TTC28: variants seen among roughly 807,000 people sequenced by gnomAD.
TTC28 encodes tetratricopeptide repeat domain 28, also known as tetratricopeptide repeat protein 28.
A neutral mutation model predicts 198.0 loss-of-function variants in TTC28; 61 were observed. The ratio of observed to expected loss-of-function variants is 0.31; its 90% CI spans 0.25 to 0.38. The LOEUF is 0.38. Ranked by LOEUF, TTC28 falls within the 10% of genes least tolerant of loss-of-function variation. The pLI, the probability that TTC28 is intolerant of heterozygous loss-of-function variation, is 1.00. For synonymous variants in TTC28, 1,171 were observed against 1,297.8 expected (o/e 0.90, Z 2.10); for missense variants, 2,678 against 3,164.0 (o/e 0.85, Z 3.69).
chr22:28,611,113 T>C lies in TTC28; in HGVS notation c.381+18439A>G, dbSNP rs144908168. On this transcript the variant is annotated intron_variant, in intron 2 of 22. Coordinates refer to ENST00000397906, the MANE Select transcript of TTC28 (RefSeq NM_001145418.2). Reference sequence around the variant, plus strand: ...TATGTTTGATTGTTGTACCTGAAAGTGATGAGGAAAATGGAACCAAGTTGG... The same window carrying C: ...TATGTTTGATTGTTGTACCTGAAAGCGATGAGGAAAATGGAACCAAGTTGG... Among the ~76,000 whole-genome samples, 27 of 152,200 alleles carry C rather than the reference T, an allele frequency of 1.8e-4. No homozygotes were observed. In the East Asian group the frequency reaches 5.0e-3, roughly 28 times the overall value.
At chr22:28,474,165 A>C (rs1020760336) in intron 2 of TTC28, among the ~76,000 whole-genome samples, 1 of 152,262 alleles carries the variant, frequency 6.6e-6, no homozygotes, top group Admixed American at 6.5e-5. Context: ...AAGGAAAAAA[A>C]GATCAGGAGA....
intron 2 of TTC28, among the ~76,000 whole-genome samples, chr22:28,491,071 T>G (rs1384663842): frequency 1.3e-5 from 2 of 152,186 alleles, no homozygotes; most frequent in Non-Finnish European, 2.9e-5. Flanking sequence ...AGGAATAATC[T>G]AGGAAATCTT....
intron 5 of TTC28, among the ~76,000 whole-genome samples, chr22:28,273,326 CCA>C (rs1258478233): frequency 6.6e-6 from 1 of 151,522 alleles, no homozygotes; most frequent in Middle Eastern, 3.2e-3. Flanking sequence ...ATAAATGAAC[CCA>C]CAAATTATTA....
chr22:28,095,869 A>C (rs1448629990), intron 11 of TTC28, among the ~76,000 whole-genome samples: 3 of 152,228 alleles, frequency 2.0e-5, no homozygotes, highest in African/African-American at 7.2e-5. Flanking sequence ...ACTTGCAGTC[A>C]TCACTTTATT....
At chr22:28,470,663 A>C (rs1466203208) in intron 2 of TTC28, among the ~76,000 whole-genome samples, 1 of 152,198 alleles carries the variant, frequency 6.6e-6, no homozygotes. Flanking sequence ...GCGTTTTTTG[A>C]CAAAATAATG....
chr22:28,336,571 G>C (rs1025100575), intron 2 of TTC28, among the ~76,000 whole-genome samples: 6 of 152,144 alleles, frequency 3.9e-5, no homozygotes, highest in South Asian at 2.1e-4. Context: ...TCTTGGGAGG[G>C]TGTATGTATC....
At chr22:28,027,644 T>C (rs1252010874) in intron 13 of TTC28, among the ~76,000 whole-genome samples, 2 of 152,226 alleles carry the variant, frequency 1.3e-5, no homozygotes, top group East Asian at 3.9e-4. Flanking sequence ...TCACCTCTGT[T>C]GGCTCCAGGC....
At chr22:28,660,333 T>A (rs1402535689) in intron 1 of TTC28, among the ~76,000 whole-genome samples, 1 of 152,184 alleles carries the variant, frequency 6.6e-6, no homozygotes, top group Non-Finnish European at 1.5e-5. Flanking sequence ...AAGGAAATTT[T>A]TTTTCTTTTA....
intron 2 of TTC28, among the ~76,000 whole-genome samples, chr22:28,593,084 G>C (rs1015729255): frequency 4.0e-5 from 6 of 150,650 alleles, no homozygotes; most frequent in Non-Finnish European, 8.8e-5. Flanking sequence ...TTTCATAGTA[G>C]CTTTTGGGTA....
intron 19 of TTC28, among the ~76,000 whole-genome samples, chr22:27,991,761 G>A (rs138642): frequency 0.061 from 9,279 of 152,268 alleles, 388 homozygotes; most frequent in Non-Finnish European, 0.086. Flanking sequence ...TGGCCAGAAC[G>A]CAGTGGTGCA....
At chr22:28,375,392 TA>T (rs2046394680) in intron 2 of TTC28, among the ~76,000 whole-genome samples, 1 of 152,150 alleles carries the variant, frequency 6.6e-6, no homozygotes, top group African/African-American at 2.4e-5. Flanking sequence ...TGCTGCAGAT[TA>T]ATAAAAGGGA....
intron 2 of TTC28, among the ~76,000 whole-genome samples, chr22:28,414,471 T>G (rs942759431): frequency 6.6e-6 from 1 of 152,162 alleles, no homozygotes; most frequent in Non-Finnish European, 1.5e-5. Context: ...AAGTCAGTTC[T>G]GAGTTGAAAA....
Position 27,983,859 on chromosome 22 carries a change from C to G in TTC28, c.5816-8G>C. On this transcript the variant is annotated splice_polypyrimidine_tract_variant and splice_region_variant and intron_variant, in intron 22 of 22. Coordinates refer to ENST00000397906, the MANE Select transcript of TTC28 (RefSeq NM_001145418.2). ...TGGGTAGCTCAGTAGAATCTAAGCA[C>G]AAAACACAAGGGCCCCAAGGACAGT... 6.5e-7 allele frequency: 1 copy of G among 1,542,650 alleles called. No individual in the cohort carries two copies. The highest frequency in any genetic ancestry group is 1.2e-5 in the South Asian group (1 of 82,482).
chr22:28,347,861 T>C (rs2045932591), intron 2 of TTC28, among the ~76,000 whole-genome samples: 2 of 152,088 alleles, frequency 1.3e-5, no homozygotes, highest in African/African-American at 4.8e-5. Context: ...GGTGAGAGAG[T>C]GAGACTCCGT....
At chr22:28,309,163 G>A (rs1030723745) in intron 2 of TTC28, among the ~76,000 whole-genome samples, 5 of 152,154 alleles carry the variant, frequency 3.3e-5, no homozygotes, top group Non-Finnish European at 4.4e-5. Flanking sequence ...AGCTATTTTT[G>A]TTATTAGCTA....
intron 2 of TTC28, among the ~76,000 whole-genome samples, chr22:28,324,175 A>G (rs2045489202): frequency 1.3e-5 from 2 of 152,060 alleles, no homozygotes; most frequent in Admixed American, 1.3e-4. Flanking sequence ...ATTTGGGCTG[A>G]GTGGGGTGGC....
chr22:28,183,349 T>C (rs1923885850), intron 5 of TTC28, among the ~76,000 whole-genome samples: 1 of 152,164 alleles, frequency 6.6e-6, no homozygotes. Context: ...TGAGCTATCA[T>C]GCTTGGCCCC....
chr22:28,095,602 G>A (rs943367168), intron 11 of TTC28, among the ~76,000 whole-genome samples: 22 of 152,098 alleles, frequency 1.4e-4, no homozygotes, highest in African/African-American at 5.1e-4. Flanking sequence ...GGCCCTAACA[G>A]CTAATTAGTG....
chr22:28,571,022 C>T (rs550815694), intron 2 of TTC28, among the ~76,000 whole-genome samples: 1 of 152,182 alleles, frequency 6.6e-6, no homozygotes, highest in Non-Finnish European at 1.5e-5. Flanking sequence ...AGATTTTAGA[C>T]TACTCTTTAA....
Sources: allele counts gnomAD v4.1 joint callset (sites outside exome capture counted in the v4.1 genomes callset), GRCh38; gene constraint gnomAD v4.1.1; transcripts MANE v1.5; gene names NCBI Gene and HGNC (gene_info 2026-07-23, HGNC 2026-07-21).